LEPR: variants seen among roughly 807,000 people sequenced by gnomAD.
The protein encoded by LEPR is OB receptor.
Under a neutral mutation model 114.7 loss-of-function variants are expected in LEPR, and 56 were observed. The observed-to-expected ratio is 0.49, with a 90% CI of 0.39 to 0.61. The LOEUF (loss-of-function observed/expected upper bound fraction) is 0.61. Among genes scored for constraint, LEPR ranks in the 20% least tolerant of loss-of-function variants. The pLI, the probability that LEPR is intolerant of heterozygous loss-of-function variation, is 0.00. For synonymous variants in LEPR, 443 were observed against 461.4 expected (o/e 0.96, Z 0.51); for missense variants, 1,202 against 1,352.9 (o/e 0.89, Z 1.75).
intron 16 of LEPR, among the ~76,000 whole-genome samples, chr1:65,618,352 G>T (rs912751249): frequency 2.0e-5 from 3 of 151,062 alleles, no homozygotes; most frequent in South Asian, 4.2e-4. Flanking sequence ...TTTCGGCAGG[G>T]TCTCTCTGTG....
chr1:65,623,057 A>G, intron 19 of LEPR, 76 bp downstream of exon 19: 1 of 1,374,272 alleles, frequency 7.3e-7, no homozygotes, highest in Non-Finnish European at 1.0e-6. Context: ...TAGAGCATTA[A>G]GCATTTTTAA....
At chr1:65,569,472 C>G (rs1419761331) in intron 3 of LEPR, among the ~76,000 whole-genome samples, 1 of 151,810 alleles carries the variant, frequency 6.6e-6, no homozygotes, top group East Asian at 1.9e-4. Context: ...TTTGGGAGAC[C>G]AAGGTGGGCG....
chr1:65,605,058 A>G lies in LEPR; in HGVS notation c.1424A>G (p.Asp475Gly), dbSNP rs773170688. The G allele has an allele frequency of 2.5e-6, 4 of 1,613,406 alleles. No homozygotes were observed. The highest frequency in any genetic ancestry group is 4.5e-5 in the East Asian group (2 of 44,876). Residue 475 changes from aspartate (D) to glycine (G), a missense_variant, in exon 11 of 20, where the codon GAT becomes GGT. Coordinates refer to ENST00000349533, the MANE Select transcript of LEPR (RefSeq NM_002303.6). ...RYHRSSLYCS[D>G]IPSIHPISEP... ...TAAAGGAGCAGCCTTTACTGTTCTG[A>G]TATTCCATCTATTCATCCCATATCT...
chr1:65,614,977 A>G (rs1230642750), intron 14 of LEPR, among the ~76,000 whole-genome samples: 4 of 152,152 alleles, frequency 2.6e-5, no homozygotes, highest in Admixed American at 2.6e-4. Flanking sequence ...GAAGCTTAAC[A>G]TTCTCTTACT....
chr1:65,530,089 A>G (rs1650278557), intron 2 of LEPR, among the ~76,000 whole-genome samples: 1 of 152,166 alleles, frequency 6.6e-6, no homozygotes, highest in African/African-American at 2.4e-5. Context: ...GATGTCTAGT[A>G]GGCATCTCCA....
At chr1:65,552,810 TTGA>T (rs1652507236) in intron 2 of LEPR, among the ~76,000 whole-genome samples, 1 of 152,230 alleles carries the variant, frequency 6.6e-6, no homozygotes, top group South Asian at 2.1e-4. Context: ...CTTCATAGTG[TTGA>T]TGGTCTTTAC....
intron 2 of LEPR, among the ~76,000 whole-genome samples, chr1:65,563,928 C>T (rs1489334035): frequency 0.013 from 1,591 of 125,034 alleles, no homozygotes; most frequent in East Asian, 0.035. Context: ...TCTCCAGCTG[C>T]GTGCTGGGAG....
At chr1:65,471,427 T>C (rs1332760943) in intron 2 of LEPR, among the ~76,000 whole-genome samples, 2 of 152,232 alleles carry the variant, frequency 1.3e-5, no homozygotes. Flanking sequence ...TAATTTGTAC[T>C]TTCCCAAAAC....
At chr1:65,537,095 G>T (rs552551456) in intron 2 of LEPR, among the ~76,000 whole-genome samples, 10 of 152,280 alleles carry the variant, frequency 6.6e-5, no homozygotes, top group Non-Finnish European at 1.3e-4. Flanking sequence ...TGATGCTGAT[G>T]CCAGAGGTGT....
At chr1:65,620,210 G>T (rs1262759531) in intron 17 of LEPR, among the ~76,000 whole-genome samples, 187 bp downstream of exon 17, 1 of 152,132 alleles carries the variant, frequency 6.6e-6, no homozygotes, top group Non-Finnish European at 1.5e-5. Context: ...TGGAGCTATA[G>T]AAATAGAGTC....
chr1:65,432,617 TG>T, intron 2 of LEPR: 8 of 984,738 alleles, frequency 8.1e-6, no homozygotes, highest in Non-Finnish European at 9.6e-6. Context: ...CAAGTTCAGA[TG>T]TTCAAGCCTA....
intron 19 of LEPR, among the ~76,000 whole-genome samples, chr1:65,631,863 C>A (rs766926430): frequency 6.6e-6 from 1 of 152,122 alleles, no homozygotes; most frequent in Non-Finnish European, 1.5e-5. Context: ...ATCCAAATCA[C>A]CTGGGTTTTT....
At chr1:65,488,214 C>CTTTCTTTTTCTTTCTT in intron 2 of LEPR, among the ~76,000 whole-genome samples, 1 of 46,794 alleles carries the variant, frequency 2.1e-5, no homozygotes, top group Admixed American at 2.4e-4. Context: ...CTTTCTTTCT[C>CTTTCTTTTTCTTTCTT]TCTCTCTCTC....
chr1:65,451,912 A>C (rs1409665598), intron 2 of LEPR, among the ~76,000 whole-genome samples: 145 of 149,208 alleles, frequency 9.7e-4, no homozygotes, highest in Middle Eastern at 3.4e-3. Context: ...ACCCATGAGC[A>C]TGGAATGTTC....
At chr1:65,496,982 A>G (rs1648192160) in intron 2 of LEPR, among the ~76,000 whole-genome samples, 1 of 92,828 alleles carries the variant, frequency 1.1e-5, no homozygotes, top group Non-Finnish European at 2.4e-5. Flanking sequence ...TCTAGTGTTC[A>G]TATACATATA....
At chr1:65,478,057 A>G (rs991821171) in intron 2 of LEPR, among the ~76,000 whole-genome samples, 3 of 152,238 alleles carry the variant, frequency 2.0e-5, no homozygotes, top group African/African-American at 7.2e-5. Flanking sequence ...ATTGTTTTGA[A>G]GTCATCCTGT....
At chr1:65,507,459 G>GTGTA (rs375120311) in intron 2 of LEPR, among the ~76,000 whole-genome samples, 20 of 139,556 alleles carry the variant, frequency 1.4e-4, no homozygotes, top group South Asian at 2.2e-4. Flanking sequence ...GTGTGTGTGT[G>GTGTA]TATATATATA....
intron 3 of LEPR, among the ~76,000 whole-genome samples, chr1:65,567,888 T>C (rs1345164234): frequency 2.0e-5 from 3 of 147,902 alleles, no homozygotes; most frequent in African/African-American, 5.0e-5. Context: ...TTTGTCACAA[T>C]TGATGAACCC....
chr1:65,465,568 T>C (rs2209706), intron 2 of LEPR, among the ~76,000 whole-genome samples: 104,627 of 152,004 alleles, frequency 0.69, 37,455 homozygotes, highest in African/African-American at 0.84. Context: ...GAGTTCAAGT[T>C]CTGGTTATCC....
Sources: gnomAD v4.1 joint callset for allele counts (sites outside exome capture counted in the v4.1 genomes callset) on GRCh38, gnomAD v4.1.1 for gene constraint, MANE v1.5 for transcripts, NCBI Gene and HGNC (gene_info 2026-07-23, HGNC 2026-07-21) for gene names.